PTX4: variants seen among roughly 807,000 people sequenced by gnomAD.
The protein encoded by PTX4 is pentraxin-4.
A neutral mutation model predicts 19.1 loss-of-function variants in PTX4; 23 were observed. The ratio of observed to expected loss-of-function variants is 1.20; its 90% CI spans 0.87 to 1.70. The LOEUF (loss-of-function observed/expected upper bound fraction) is 1.70, where lower values mean the gene tolerates loss of function less well. PTX4 is among the 40% of genes most tolerant of loss of function. The pLI, the probability that PTX4 is intolerant of heterozygous loss-of-function variation, is 0.00. For synonymous variants in PTX4, 317 were observed against 279.6 expected (o/e 1.13, Z -1.33); for missense variants, 678 against 610.5 (o/e 1.11, Z -1.17).
Position 1,486,165 on chromosome 16 carries a change from C to G in PTX4, c.1211G>C (p.Gly404Ala). Residue 404 changes from glycine (G) to alanine (A), a missense_variant, in exon 3 of 3, where the codon GGC becomes GCC. Gly to Ala is a moderately conservative substitution (Grantham distance 60). Coordinates refer to ENST00000447419, the MANE Select transcript of PTX4 (RefSeq NM_001328608.2). ...GCCCCCCACGCTGTCTTGTTCCTGGCCCAGCACGAGGGACCCTCCGGGGGG... is the reference window on the plus strand; with the variant it reads ...GCCCCCCACGCTGTCTTGTTCCTGGGCCAGCACGAGGGACCCTCCGGGGGG... ...EIPPGGSLVL[G>A]QEQDSVGGGF... is the part of the protein sequence containing the mutation. 1 of 1,614,086 alleles carries G rather than the reference C, an allele frequency of 6.2e-7. No homozygotes were observed. The highest frequency in any genetic ancestry group is 8.5e-7 in the Non-Finnish European group (1 of 1,180,002).
Position 1,486,481 on chromosome 16 carries a change from A to T in PTX4, c.895T>A (p.Phe299Ile), listed in dbSNP as rs1349714970. 1 of 1,612,970 alleles carries T rather than the reference A, an allele frequency of 6.2e-7. No individual in the cohort carries two copies. The highest frequency in any genetic ancestry group is 1.1e-5 in the South Asian group (1 of 91,012). Reference protein sequence around the residue: ...GFVTALRALSFCSWVRTASGR... With the variant: ...GFVTALRALSICSWVRTASGR... ...GAGGCCGTGCGGACCCAGCTGCAGA[A>T]GGACAGGGCTCGCAGGGCAGTGACG... The change falls in exon 3 of 3, where the codon TTC becomes ATC. Residue 299 changes from phenylalanine to isoleucine, a missense_variant. Coordinates refer to ENST00000447419, the MANE Select transcript of PTX4 (RefSeq NM_001328608.2).
chr16:1,486,474 C>G lies in PTX4; in HGVS notation c.902G>C (p.Ser301Thr). Residue 301 changes from serine to threonine, a missense_variant, in exon 3 of 3, where the codon AGC becomes ACC. Ser to Thr is a moderately conservative substitution (Grantham distance 58, BLOSUM62 1). Transcript: ENST00000447419. The part of the protein sequence containing the change: ...VTALRALSFC[S>T]WVRTASGRLG... ...GCGGCCGGAGGCCGTGCGGACCCAG[C>G]TGCAGAAGGACAGGGCTCGCAGGGC... 1 of 1,613,218 alleles carries G rather than the reference C, an allele frequency of 6.2e-7. No individual in the cohort carries two copies. The highest frequency in any genetic ancestry group is 8.5e-7 in the Non-Finnish European group (1 of 1,179,576).
chr16:1,488,291 G>C, intron 1 of PTX4: 1 of 1,593,938 alleles, frequency 6.3e-7, no homozygotes, highest in Non-Finnish European at 8.6e-7. Context: ...TGTGAGCAGG[G>C]GACGGCAGGG....
chr16:1,486,213 C>A lies in PTX4; in HGVS notation c.1163G>T (p.Arg388Leu). The change falls in exon 3 of 3, where the codon CGC becomes CTC. Residue 388 changes from arginine (R) to leucine (L), a missense_variant. Physicochemically the swap from Arg to Leu is moderately radical, Grantham distance 102. Transcript: ENST00000447419. ...GGGGATCTCATAGCCCTCCCTGAAGCGGGAGCCGGTGGCCACCAGCCTGCG... is the reference window on the plus strand; with the variant it reads ...GGGGATCTCATAGCCCTCCCTGAAGAGGGAGCCGGTGGCCACCAGCCTGCG... ...VDRRLVATGSRFREGYEIPPG... is the reference protein window; with the variant it reads ...VDRRLVATGSLFREGYEIPPG... 6.2e-7 allele frequency: 1 copy of A among 1,612,524 alleles called. No homozygotes were observed. Among genetic ancestry groups the A allele is most frequent in the African/African-American group, 1.3e-5 (1 of 75,052 alleles).
intron 1 of PTX4, among the ~76,000 whole-genome samples, 184 bp from the exon 2 acceptor site, chr16:1,488,154 T>TG (rs1255076794): frequency 6.6e-6 from 1 of 152,230 alleles, no homozygotes; most frequent in Non-Finnish European, 1.5e-5. Flanking sequence ...TGCCAGGGAC[T>TG]GACCCCAGGC....
In PTX4 at chr16:1,488,466, A is replaced by G. The variant is rs373294212; in HGVS notation, c.141+303T>C. 4.7e-5 allele frequency: 75 copies of G among 1,612,784 alleles called. No individual in the cohort carries two copies. The Admixed American group carries it at 1.0e-3, about 22-fold the overall frequency. On this transcript the variant is annotated intron_variant, in intron 1 of 2. Coordinates refer to ENST00000447419, the MANE Select transcript of PTX4 (RefSeq NM_001328608.2). Reference sequence around the variant, plus strand: ...TGTGACCTCCCAGTTTCCACTCCCCATGACACTACCCGGCCCCCATGGCCC... The same window carrying G: ...TGTGACCTCCCAGTTTCCACTCCCCGTGACACTACCCGGCCCCCATGGCCC...
intron 2 of PTX4, 36 bp downstream of exon 2, chr16:1,487,280 A>G: frequency 6.8e-7 from 1 of 1,478,954 alleles, no homozygotes; most frequent in Non-Finnish European, 8.9e-7. Context: ...AGCTGGAGGG[A>G]AGCCTGGCCG....
chr16:1,486,375 AG>A lies in PTX4; in HGVS notation c.1000del (p.Leu334CysfsTer8). ...GATCACGAAGTGGATGGATCCGGGC[AG>A]CAGGGAGTCTCGGCCGTGCAGCACC... Reference protein sequence around the residue: ...KLVLHGRDSLLPGSIHFVIGD... With the variant: ...KLVLHGRDSLXPGSIHFVIGD... On this transcript the variant is annotated frameshift_variant, in exon 3 of 3. Transcript: ENST00000447419. LOFTEE classifies it low-confidence loss of function (END_TRUNC). 1 of 1,613,990 alleles carries A rather than the reference AG, an allele frequency of 6.2e-7. No individual in the cohort carries two copies. Among genetic ancestry groups the A allele is most frequent in the Non-Finnish European group, 8.5e-7 (1 of 1,179,974 alleles).
rs766672816 is a variant in PTX4, at chr16:1,486,459, G to A, written c.917C>T (p.Ala306Val). Residue 306 changes from alanine to valine, a missense_variant, in exon 3 of 3, where the codon GCC becomes GTC. By Grantham distance (64) the Ala-to-Val change is moderately conservative. Coordinates refer to ENST00000447419, the MANE Select transcript of PTX4 (RefSeq NM_001328608.2). ...CAGGAGGGTGCCCAGGCGGCCGGAG[G>A]CCGTGCGGACCCAGCTGCAGAAGGA... ...ALSFCSWVRT[A>V]SGRLGTLLSY... The A allele has an allele frequency of 2.5e-6, 4 of 1,613,666 alleles. No homozygotes were observed. The Admixed American group carries it at 5.0e-5, about 20-fold the overall frequency.
chr16:1,486,030 G>C lies in PTX4; in HGVS notation c.1346C>G (p.Pro449Arg). ...GGCCAGCGTCAGGATGGCACCTGTC[G>C]GGAACTCTTTCCCGATGGCAAGGTT... ...VANLAIGKEF[P>R]TGAILTLANA... is the part of the protein sequence containing the mutation. The change falls in exon 3 of 3, where the codon CCG becomes CGG. Residue 449 changes from proline to arginine, a missense_variant. Coordinates refer to ENST00000447419, the MANE Select transcript of PTX4 (RefSeq NM_001328608.2). 1 of 1,614,062 alleles carries C rather than the reference G, an allele frequency of 6.2e-7. No homozygotes were observed. Among genetic ancestry groups the C allele is most frequent in the Non-Finnish European group, 8.5e-7 (1 of 1,180,014 alleles).
In PTX4 at chr16:1,487,650, C is replaced by T. The variant is rs2039259286; in HGVS notation, c.462G>A (p.Leu154=). The change falls in exon 2 of 3, where the codon CTG becomes CTA. Residue 154 remains leucine (L), a synonymous_variant. Coordinates refer to ENST00000447419, the MANE Select transcript of PTX4 (RefSeq NM_001328608.2). Reference sequence around the variant, plus strand: ...TGTGGACGAGGCCCTCCAGGCGTGCCAGTGAGTCCTGCAGGGCGTCCCTCT... The same window carrying T: ...TGTGGACGAGGCCCTCCAGGCGTGCTAGTGAGTCCTGCAGGGCGTCCCTCT... ...KAQRDALQDS[L]ARLEGLVHSQ... is the part of the protein sequence containing the mutation. 6.3e-7 allele frequency: 1 copy of T among 1,587,798 alleles called. No homozygotes were observed. Among genetic ancestry groups the T allele is most frequent in the Non-Finnish European group, 8.6e-7 (1 of 1,163,230 alleles).
chr16:1,488,803 G>A lies in PTX4; in HGVS notation c.107C>T (p.Pro36Leu), dbSNP rs1229724639. ...CAGCCTACGGAGCCTCTCGAAAAAC[G>A]GTTTCCTGGGCCCCACTGGGGCGGC... ...QEAAPVGPRK[P>L]FFERLRRLEE... Residue 36 changes from proline to leucine, a missense_variant, in exon 1 of 3, where the codon CCG (proline) becomes CTG (leucine). Coordinates refer to ENST00000447419, the MANE Select transcript of PTX4 (RefSeq NM_001328608.2). 44 of 702,020 alleles carry A rather than the reference G, an allele frequency of 6.3e-5. No individual in the cohort carries two copies. In the East Asian group the frequency reaches 1.0e-3, roughly 16 times the overall value. The allele number at this position is 702,020 out of a possible 1,614,324, so 43.5% of individuals were successfully genotyped here. A position where few individuals can be genotyped will look rare whatever the true frequency, so the allele number is the denominator to read the frequency against.
chr16:1,488,226 C>G (rs868064999), intron 1 of PTX4: 18 of 1,451,370 alleles, frequency 1.2e-5, no homozygotes, highest in Middle Eastern at 4.6e-4. Flanking sequence ...TGATCCCCAC[C>G]GCTCACCCCA....
intron 2 of PTX4, 76 bp from the exon 3 acceptor site, chr16:1,486,655 T>A (rs537915164): frequency 2.8e-6 from 4 of 1,440,212 alleles, no homozygotes; most frequent in South Asian, 1.4e-5. Context: ...GTGCTGTGGG[T>A]GCCTGGCCTC....
At chr16:1,488,053 G>A in intron 1 of PTX4, 83 bp from the exon 2 acceptor site, 1 of 1,403,580 alleles carries the variant, frequency 7.1e-7, no homozygotes, top group Non-Finnish European at 9.6e-7. Flanking sequence ...CTCTCAAGTT[G>A]GGAGCAGCGG....
Position 1,487,767 on chromosome 16 carries a change from G to A in PTX4, c.345C>T (p.Gly115=), listed in dbSNP as rs375701182. Residue 115 remains glycine (G), a synonymous_variant, in exon 2 of 3, where the codon GGC becomes GGT. Coordinates refer to ENST00000447419, the MANE Select transcript of PTX4 (RefSeq NM_001328608.2). ...KAWVRKLQRR[G]RKVDTRLRAL... ...CCCGCAGCCGCGTGTCTACTTTCCG[G>A]CCTCGGCGCTGCAGCTTCCTCACCC... The A allele has an allele frequency of 2.0e-5, 33 of 1,612,708 alleles. No individual in the cohort carries two copies. Among genetic ancestry groups the A allele is most frequent in the Non-Finnish European group, 2.7e-5 (32 of 1,179,758 alleles).
In PTX4 at chr16:1,487,928, T is replaced by C; in HGVS notation, c.184A>G (p.Ile62Val). 2 of 1,607,302 alleles carry C rather than the reference T, an allele frequency of 1.2e-6. No individual in the cohort carries two copies. The highest frequency in any genetic ancestry group is 1.1e-5 in the South Asian group (1 of 90,456). Reference protein sequence around the residue: ...QEVTWTHLQNIASNYNVSYNV... With the variant: ...QEVTWTHLQNVASNYNVSYNV... ...TAGGACACGTTGTAGTTGCTGGCGA[T>C]GTTCTGCAGGTGTGTCCAGGTCACC... Residue 62 changes from isoleucine to valine, a missense_variant, in exon 2 of 3, where the codon ATC becomes GTC. Coordinates refer to ENST00000447419, the MANE Select transcript of PTX4 (RefSeq NM_001328608.2).
At chr16:1,486,950 A>G (rs1291533086) in intron 2 of PTX4, among the ~76,000 whole-genome samples, 1 of 152,188 alleles carries the variant, frequency 6.6e-6, no homozygotes, top group African/African-American at 2.4e-5. Flanking sequence ...TCACAAGGCC[A>G]ACACGGTCTC....
In PTX4 at chr16:1,486,703, T is replaced by G. The variant is rs184337876; in HGVS notation, c.797-124A>C. On this transcript the variant is annotated intron_variant, in intron 2 of 2. Transcript: ENST00000447419. Reference sequence around the variant, plus strand: ...GCCACCCTTCACGGAGCACTGACTCTGCGCTGGCCCTGCCGATGGCTCCCC... The same window carrying G: ...GCCACCCTTCACGGAGCACTGACTCGGCGCTGGCCCTGCCGATGGCTCCCC... 3.9e-3 allele frequency: 3,971 copies of G among 1,023,906 alleles called. 144 individuals are homozygous for G. In the Admixed American group the frequency reaches 0.078, roughly 20 times the overall value. The allele number at this position is 1,023,906 out of a possible 1,614,324, so 63.4% of individuals were successfully genotyped here. A position where few individuals can be genotyped will look rare whatever the true frequency, so the allele number is the denominator to read the frequency against.
Sources: allele counts gnomAD v4.1 joint callset (sites outside exome capture counted in the v4.1 genomes callset), GRCh38; gene constraint gnomAD v4.1.1; transcripts MANE v1.5; gene names NCBI Gene and HGNC (gene_info 2026-07-23, HGNC 2026-07-21).